The following CNTN5 variants were observed in gnomAD, a reference collection of about 807,000 sequenced individuals.
CNTN5 encodes contactin 5.
A neutral mutation model predicts 129.1 loss-of-function variants in CNTN5; 77 were observed. The observed-to-expected ratio is 0.60, with a 90% CI of 0.50 to 0.72. The LOEUF is 0.72. Among genes scored for constraint, CNTN5 ranks in the 30% least tolerant of loss-of-function variants. CNTN5 has a pLI of 0.00. For synonymous variants in CNTN5, 509 were observed against 465.6 expected, an observed-to-expected ratio of 1.09 and a Z score of -1.20; for missense variants, 1,478 against 1,328.8, an observed-to-expected ratio of 1.11 and a Z score of -1.75.
At chr11:99,559,166 A>G (rs1948762628) in intron 3 of CNTN5, among the ~76,000 whole-genome samples, 1 of 152,068 alleles carries the variant, frequency 6.6e-6, no homozygotes, top group African/African-American at 2.4e-5. Flanking sequence ...TGAATGTCAC[A>G]TTATAGGGCC....
chr11:100,354,921 G>C (rs550234975), intron 24 of CNTN5, among the ~76,000 whole-genome samples: 1 of 151,690 alleles, frequency 6.6e-6, no homozygotes, highest in Non-Finnish European at 1.5e-5. Flanking sequence ...AGAGCTTGCA[G>C]GGCTGGAAGT....
chr11:99,566,347 C>T (rs897746848), intron 3 of CNTN5, among the ~76,000 whole-genome samples: 5 of 152,160 alleles, frequency 3.3e-5, no homozygotes, highest in Admixed American at 2.6e-4. Context: ...TTGGTGCCAG[C>T]AGAACTGTGA....
In CNTN5 at chr11:100,260,641, A is replaced by G. The variant is rs149948760; in HGVS notation, c.2164+4723A>G. ...CCCTGGGATTCAAGGCTGGTTCAACATATGCAGATCAATAAACATAATCCA... is the reference window on the plus strand; with the variant it reads ...CCCTGGGATTCAAGGCTGGTTCAACGTATGCAGATCAATAAACATAATCCA... On this transcript the variant is annotated intron_variant, in intron 17 of 24. Coordinates refer to ENST00000524871, the MANE Select transcript of CNTN5 (RefSeq NM_014361.4). Among the ~76,000 whole-genome samples, 1,455 of 152,342 alleles carry G rather than the reference A, an allele frequency of 9.6e-3. 32 individuals are homozygous for G. Among genetic ancestry groups the G allele is most frequent in the African/African-American group, 0.033 (1,393 of 41,584 alleles).
chr11:99,376,552 A>C (rs1011270915), intron 2 of CNTN5, among the ~76,000 whole-genome samples: 1 of 152,204 alleles, frequency 6.6e-6, no homozygotes, highest in Non-Finnish European at 1.5e-5. Context: ...TCAGATGTCT[A>C]ACAATGACAA....
chr11:100,349,711 C>T (rs1482066376), intron 23 of CNTN5, among the ~76,000 whole-genome samples: 1 of 151,622 alleles, frequency 6.6e-6, no homozygotes. Flanking sequence ...TGAAAAAGCA[C>T]AAAAAACAGT....
chr11:99,041,769 A>G (rs1257013960), intron 1 of CNTN5, among the ~76,000 whole-genome samples: 1 of 152,208 alleles, frequency 6.6e-6, no homozygotes, highest in East Asian at 1.9e-4. Flanking sequence ...CTATTATATG[A>G]ATAAGAGCTC....
At chr11:100,157,731 T>C (rs1947304058) in intron 13 of CNTN5, among the ~76,000 whole-genome samples, 1 of 151,764 alleles carries the variant, frequency 6.6e-6, no homozygotes, top group Non-Finnish European at 1.5e-5. Flanking sequence ...TTAAATAAAA[T>C]ACTGACACCA....
chr11:100,065,216 C>T (rs1406756647), intron 10 of CNTN5, among the ~76,000 whole-genome samples: 1 of 152,106 alleles, frequency 6.6e-6, no homozygotes, highest in Non-Finnish European at 1.5e-5. Context: ...AACCTCTGGA[C>T]AGTATCCTCA....
In CNTN5 at chr11:99,287,649, ACACT is replaced by A. The variant is rs553482997; in HGVS notation, c.-209-37694_-209-37691del. ...ATTACTATGAGGAATTTAGTAGTTG[ACACT>A]CATCATAGTGAATAGATAATATTGT... On this transcript the variant is annotated intron_variant, in intron 1 of 24. Coordinates refer to ENST00000524871, the MANE Select transcript of CNTN5 (RefSeq NM_014361.4). Among the ~76,000 whole-genome samples the A allele has an allele frequency of 1.4e-4, 22 of 152,194 alleles. 1 individual carries two copies. In the South Asian group the frequency reaches 4.6e-3, roughly 32 times the overall value.
At chr11:99,422,757 C>T (rs1185656871) in intron 2 of CNTN5, among the ~76,000 whole-genome samples, 1 of 151,504 alleles carries the variant, frequency 6.6e-6, no homozygotes, top group African/African-American at 2.4e-5. Flanking sequence ...TGCAGGAAGA[C>T]AAAACAGTAG....
intron 1 of CNTN5, among the ~76,000 whole-genome samples, chr11:99,021,821 A>G (rs1385485284): frequency 6.6e-6 from 1 of 152,156 alleles, no homozygotes; most frequent in Non-Finnish European, 1.5e-5. Context: ...GCTTTTTTCT[A>G]AAGGTTGTAT....
intron 15 of CNTN5, among the ~76,000 whole-genome samples, chr11:100,209,665 G>C (rs1342466167): frequency 6.6e-6 from 1 of 152,104 alleles, no homozygotes; most frequent in Non-Finnish European, 1.5e-5. Flanking sequence ...AATAATCCTT[G>C]TTAAATGTTT....
chr11:99,787,388 C>A, intron 3 of CNTN5, among the ~76,000 whole-genome samples: 1 of 151,322 alleles, frequency 6.6e-6, no homozygotes, highest in Non-Finnish European at 1.5e-5. Flanking sequence ...TATTAAAAAT[C>A]TTTATTTAAA....
chr11:99,209,949 C>T lies in CNTN5; in HGVS notation c.-209-115397C>T, dbSNP rs78648997. Among the ~76,000 whole-genome samples, 548 of 152,142 alleles carry T rather than the reference C, an allele frequency of 3.6e-3. 2 individuals are homozygous for T. The highest frequency in any genetic ancestry group is 0.012 in the African/African-American group (485 of 41,526). ...TCATAGTGTGATTTTATGAAAACAA[C>T]GAAAACAACTACTTCTTTAGTAATG... On this transcript the variant is annotated intron_variant, in intron 1 of 24. Coordinates refer to ENST00000524871, the MANE Select transcript of CNTN5 (RefSeq NM_014361.4).
chr11:99,442,226 G>T (rs1222412274), intron 2 of CNTN5, among the ~76,000 whole-genome samples: 1 of 152,030 alleles, frequency 6.6e-6, no homozygotes, highest in Non-Finnish European at 1.5e-5. Context: ...AGGCTGGAGT[G>T]CTGCGTGACC....
At chr11:100,114,292 A>G (rs1212497045) in intron 13 of CNTN5, among the ~76,000 whole-genome samples, 1 of 152,114 alleles carries the variant, frequency 6.6e-6, no homozygotes, top group Non-Finnish European at 1.5e-5. Flanking sequence ...GATTAATTCT[A>G]TACCTAGAAG....
At chr11:99,041,013 A>T (rs1208414301) in intron 1 of CNTN5, among the ~76,000 whole-genome samples, 1 of 152,190 alleles carries the variant, frequency 6.6e-6, no homozygotes, top group African/African-American at 2.4e-5. Context: ...AAGAGAAAGA[A>T]GTGTAAAGTT....
At chr11:100,039,604 A>G (rs1400228251) in intron 9 of CNTN5, among the ~76,000 whole-genome samples, 1 of 152,170 alleles carries the variant, frequency 6.6e-6, no homozygotes, top group Admixed American at 6.5e-5. Context: ...TTTCAGGTAC[A>G]CTAATCAGAC....
chr11:99,583,404 C>T (rs1331402134), intron 3 of CNTN5, among the ~76,000 whole-genome samples: 2 of 152,196 alleles, frequency 1.3e-5, no homozygotes, highest in Non-Finnish European at 2.9e-5. Context: ...TTTTGTTTGT[C>T]TGTGCCCTAC....
Sources: gnomAD v4.1 joint callset for allele counts (sites outside exome capture counted in the v4.1 genomes callset) on GRCh38, gnomAD v4.1.1 for gene constraint, MANE v1.5 for transcripts, NCBI Gene and HGNC (gene_info 2026-07-23, HGNC 2026-07-21) for gene names.